Variants in NHLRC2 observed in about 807,000 individuals in gnomAD.
The protein encoded by NHLRC2 is NHL repeat containing 2, also known as NHL repeat-containing protein 2.
NHLRC2 carries 33 observed loss-of-function variants against 68.1 expected under a neutral mutation model. That is an observed-to-expected ratio of 0.48 (90% CI 0.37 to 0.65). The LOEUF is 0.65. NHLRC2 is among the 30% of genes least tolerant of loss of function. NHLRC2 has a pLI of 0.00. For missense variants in NHLRC2, 761 were observed against 853.8 expected (o/e 0.89, Z 1.35); for synonymous variants, 311 against 309.6 (o/e 1.00, Z -0.05).
intron 5 of NHLRC2, among the ~76,000 whole-genome samples, chr10:113,887,516 T>TC (rs1846092869): frequency 6.6e-6 from 1 of 152,190 alleles, no homozygotes; most frequent in East Asian, 1.9e-4. Flanking sequence ...ATGCCTGTAA[T>TC]CCCAGCACTT....
At chr10:113,862,772 A>T (rs571823024) in intron 2 of NHLRC2, among the ~76,000 whole-genome samples, 3 of 152,318 alleles carry the variant, frequency 2.0e-5, no homozygotes, top group South Asian at 2.1e-4. Context: ...GAGAGCTGGG[A>T]TGGCTATGCT....
intron 5 of NHLRC2, among the ~76,000 whole-genome samples, chr10:113,893,289 G>A (rs1304430004): frequency 6.6e-6 from 1 of 152,120 alleles, no homozygotes; most frequent in Admixed American, 6.6e-5. Context: ...TGAAAAACGG[G>A]CAAGTAGAGA....
intron 5 of NHLRC2, among the ~76,000 whole-genome samples, chr10:113,886,019 A>C (rs1846079709): frequency 6.6e-6 from 1 of 152,104 alleles, no homozygotes; most frequent in Admixed American, 6.5e-5. Flanking sequence ...AAAGACTATT[A>C]GAGCTGATAA....
At chr10:113,868,845 GTGAGAACAGA>G (rs1228647212) in intron 2 of NHLRC2, among the ~76,000 whole-genome samples, 1 of 152,184 alleles carries the variant, frequency 6.6e-6, no homozygotes, top group Admixed American at 6.5e-5. Context: ...GCTTTAGTAG[GTGAGAACAGA>G]TGAGAACATT....
chr10:113,868,578 G>A (rs183190741), intron 2 of NHLRC2, among the ~76,000 whole-genome samples: 1 of 152,278 alleles, frequency 6.6e-6, no homozygotes, highest in East Asian at 1.9e-4. Context: ...TTTATGTCCT[G>A]TGAAATCATT....
chr10:113,902,675 A>C (rs1490783429), intron 8 of NHLRC2, 82 bp downstream of exon 8: 235 of 1,157,986 alleles, frequency 2.0e-4, no homozygotes, highest in Admixed American at 2.1e-5. Flanking sequence ...GCCTCCTACA[A>C]CTGCCACTCT....
chr10:113,887,735 G>T (rs1846095164), intron 5 of NHLRC2, among the ~76,000 whole-genome samples: 2 of 152,154 alleles, frequency 1.3e-5, no homozygotes, highest in African/African-American at 2.4e-5. Context: ...TCATGCCACT[G>T]CACTGCAGCC....
intron 2 of NHLRC2, among the ~76,000 whole-genome samples, chr10:113,871,382 T>C (rs942181713): frequency 2.0e-5 from 3 of 152,168 alleles, no homozygotes; most frequent in Non-Finnish European, 2.9e-5. Context: ...TTTCTTGATA[T>C]ACTGTTATAG....
chr10:113,871,662 G>A (rs146964244), intron 2 of NHLRC2, among the ~76,000 whole-genome samples: 178 of 152,220 alleles, frequency 1.2e-3, no homozygotes, highest in Non-Finnish European at 1.9e-3. Flanking sequence ...AAAGATTAGT[G>A]TAAGTAATTA....
intron 5 of NHLRC2, among the ~76,000 whole-genome samples, chr10:113,891,941 A>G (rs570370778): frequency 9.8e-5 from 15 of 152,298 alleles, no homozygotes; most frequent in Non-Finnish European, 1.9e-4. Context: ...TTTCTCCCCT[A>G]GCAGAATGAG....
At chr10:113,859,367 A>G (rs1258627782) in intron 2 of NHLRC2, among the ~76,000 whole-genome samples, 2 of 152,154 alleles carry the variant, frequency 1.3e-5, no homozygotes, top group African/African-American at 4.8e-5. Flanking sequence ...ATTAGGTTCA[A>G]GTGAATTGAA....
At chr10:113,908,247 T>C (rs764551017) in intron 10 of NHLRC2, 33 bp from the exon 11 acceptor site, 4 of 1,553,720 alleles carry the variant, frequency 2.6e-6, no homozygotes, top group Non-Finnish European at 3.6e-6. Context: ...ACTTATCTTA[T>C]ACAGTCTTAA....
chr10:113,870,236 T>G (rs1022399384), intron 2 of NHLRC2, among the ~76,000 whole-genome samples: 2 of 152,236 alleles, frequency 1.3e-5, no homozygotes, highest in Non-Finnish European at 2.9e-5. Context: ...CCATCTTTGT[T>G]GACTTAGTTT....
rs1845725053 is a variant in NHLRC2, at chr10:113,854,808, G to A, written c.-65G>A. On this transcript the variant is annotated 5_prime_UTR_variant, in exon 1 of 11. Coordinates refer to ENST00000369301, the MANE Select transcript of NHLRC2 (RefSeq NM_198514.4). ...GTTTGGAAACCACAGGACAGTGAAC[G>A]TTTCGTCTCTCCCAGCGAGACTCTC... The A allele has an allele frequency of 7.1e-7, 1 of 1,400,094 alleles. No individual in the cohort carries two copies. Among genetic ancestry groups the A allele is most frequent in the South Asian group, 1.4e-5 (1 of 73,158 alleles). The allele number at this position is 1,400,094 out of a possible 1,614,324, so 86.7% of individuals were successfully genotyped here.
chr10:113,882,484 G>T (rs1166276447), intron 4 of NHLRC2, among the ~76,000 whole-genome samples: 1 of 151,456 alleles, frequency 6.6e-6, no homozygotes, highest in Non-Finnish European at 1.5e-5. Flanking sequence ...TGTGCTTATG[G>T]GCCATTTTTA....
At chr10:113,905,152 A>G in intron 10 of NHLRC2, 116 bp downstream of exon 10, 1 of 485,420 alleles carries the variant, frequency 2.1e-6, no homozygotes. Flanking sequence ...TGAAGATCAT[A>G]TGAACAAATG....
intron 1 of NHLRC2, among the ~76,000 whole-genome samples, chr10:113,856,110 T>C (rs1487722244): frequency 6.6e-6 from 1 of 152,214 alleles, no homozygotes; most frequent in East Asian, 1.9e-4. Flanking sequence ...ATCCTGGCCA[T>C]GTGAGCTTTT....
At chr10:113,907,023 A>G (rs933945375) in intron 10 of NHLRC2, among the ~76,000 whole-genome samples, 2 of 152,174 alleles carry the variant, frequency 1.3e-5, no homozygotes, top group African/African-American at 2.4e-5. Flanking sequence ...GTTCTCTACT[A>G]ATCTCTCTAG....
intron 2 of NHLRC2, among the ~76,000 whole-genome samples, chr10:113,859,068 T>C (rs143947373): frequency 2.0e-5 from 3 of 152,278 alleles, no homozygotes; most frequent in Admixed American, 2.0e-4. Context: ...AAGTTCTTAT[T>C]AGGAAATGTG....
Sources: gnomAD v4.1 joint callset for allele counts (sites outside exome capture counted in the v4.1 genomes callset) on GRCh38, gnomAD v4.1.1 for gene constraint, MANE v1.5 for transcripts, NCBI Gene and HGNC (gene_info 2026-07-23, HGNC 2026-07-21) for gene names.